PSMD13: variants seen among roughly 807,000 people sequenced by gnomAD.
The protein encoded by PSMD13 is proteasome 26S subunit, non-ATPase 13.
A neutral mutation model predicts 57.4 loss-of-function variants in PSMD13; 8 were observed. That is an observed-to-expected ratio of 0.14 (90% CI 0.08 to 0.25). The LOEUF (loss-of-function observed/expected upper bound fraction) is 0.25. Among genes scored for constraint, PSMD13 ranks in the 10% least tolerant of loss-of-function variants. PSMD13 has a pLI of 1.00. For missense variants in PSMD13, 400 were observed against 461.5 expected, an observed-to-expected ratio of 0.87 and a Z score of 1.22; for synonymous variants, 193 against 168.2, an observed-to-expected ratio of 1.15 and a Z score of -1.14.
chr11:249,191 T>TG (rs1859718486), intron 9 of PSMD13, 134 bp downstream of exon 9: 1 of 1,286,170 alleles, frequency 7.8e-7, no homozygotes, highest in Non-Finnish European at 1.1e-6. Context: ...GGCTAGTCCT[T>TG]GCTCTCATAG....
chr11:251,001 C>T lies in PSMD13; in HGVS notation c.837+136C>T, dbSNP rs1336104067. The T allele has an allele frequency of 9.1e-5, 70 of 766,324 alleles. No individual in the cohort carries two copies. Among genetic ancestry groups the T allele is most frequent in the Non-Finnish European group, 2.2e-6 (1 of 453,898 alleles). 47.5% of individuals were successfully genotyped at this position (766,324 alleles called of 1,614,324 possible). ...TTCTGCTGTGCGCCGCTCTCTTCAC[C>T]ACCTTCCTTTTCCTTTGCTACCACT... On this transcript the variant is annotated intron_variant, in intron 10 of 12. Transcript: ENST00000532097. This position sits in a 1 kb window ranked among gnomAD's most constrained non-coding sequence, Gnocchi z 4.6.
At chr11:248,512 AGTGGCACAG>A in intron 7 of PSMD13, 3 of 476,830 alleles carry the variant, frequency 6.3e-6, no homozygotes, top group African/African-American at 1.9e-5. Context: ...ACTTCCTGGA[AGTGGCACAG>A]CTGAAAATAT....
rs775996661 is a variant in PSMD13 at position 252,481 on chromosome 11, C to T, written c.1036-24C>T. The T allele has an allele frequency of 6.2e-6, 10 of 1,612,660 alleles. No homozygotes were observed. The highest frequency in any genetic ancestry group is 1.3e-5 in the African/African-American group (1 of 74,990). ...GTGTCTCCTGCGTGTCTTAACGTCC[C>T]TTGTGTCCGGATTTCCATTTCAGAT... On this transcript the variant is annotated intron_variant, in intron 12 of 12. Transcript: ENST00000532097. The surrounding 1 kb of genome is among the most constrained non-coding windows in gnomAD (Gnocchi z 4.1).
intron 2 of PSMD13, among the ~76,000 whole-genome samples, chr11:241,105 T>C (rs373678727): frequency 1.1e-3 from 157 of 143,180 alleles, no homozygotes; most frequent in African/African-American, 4.0e-3. Context: ...GTGCTGGGAT[T>C]ACAGGTGTGA....
rs753767560 is a variant in PSMD13 at position 237,281 on chromosome 11, GGCTGTGCC to G, written c.95+139_95+146del. On this transcript the variant is annotated intron_variant, in intron 1 of 12. Coordinates refer to ENST00000532097, the MANE Select transcript of PSMD13 (RefSeq NM_002817.4). Reference sequence around the variant, plus strand: ...GGGGAAACGGGGACGTGTAGCGACCGGCTGTGCCGGCAAGGTTTGCTGAGGAACCTTGA... The same window carrying G: ...GGGGAAACGGGGACGTGTAGCGACCGGGCAAGGTTTGCTGAGGAACCTTGA... 174 of 778,068 alleles carry G rather than the reference GGCTGTGCC, an allele frequency of 2.2e-4. 1 individual carries two copies. The highest frequency in any genetic ancestry group is 3.2e-4 in the Non-Finnish European group (159 of 500,512). The allele number at this position is 778,068 out of a possible 1,614,324, so 48.2% of individuals were successfully genotyped here.
In PSMD13 at chr11:244,741, G is replaced by A. The variant is rs372085323; in HGVS notation, c.376G>A (p.Gly126Arg). The A allele has an allele frequency of 2.0e-5, 32 of 1,612,886 alleles. No homozygotes were observed. Among genetic ancestry groups the A allele is most frequent in the Middle Eastern group, 1.6e-4 (1 of 6,082 alleles). The change falls in exon 6 of 13, where the codon GGG becomes AGG. Residue 126 changes from glycine (G) to arginine (R), a missense_variant. Gly to Arg is a moderately radical substitution (Grantham distance 125). Transcript: ENST00000532097. ...TAIGALKLNI[G>R]DLQVTKETIE... ...AATTGGAGCTCTAAAATTAAACATCGGGGACCTACAGGTTACAAAGGTGAG... is the reference window on the plus strand; with the variant it reads ...AATTGGAGCTCTAAAATTAAACATCAGGGACCTACAGGTTACAAAGGTGAG...
At chr11:237,955 C>G (rs897183545) in intron 1 of PSMD13, among the ~76,000 whole-genome samples, 1 of 152,214 alleles carries the variant, frequency 6.6e-6, no homozygotes, top group African/African-American at 2.4e-5. Context: ...ATGTTCCATA[C>G]ATGTTTTGAT....
At position 239,232 on chromosome 11, in the gene PSMD13, C is replaced by T. The variant is rs185987229; in HGVS notation, c.174+156C>T. Among the ~76,000 whole-genome samples the T allele has an allele frequency of 2.1e-3, 316 of 152,328 alleles. 2 individuals are homozygous for T. Among genetic ancestry groups the T allele is most frequent in the African/African-American group, 7.4e-3 (306 of 41,568 alleles). The stretch of plus-strand genomic sequence containing the variant: ...TGAGCGCTTCACATATCCTTCATGA[C>T]AACGCTGGTCAGTAGATACTACTAT... On this transcript the variant is annotated intron_variant, in intron 2 of 12. Coordinates refer to ENST00000532097, the MANE Select transcript of PSMD13 (RefSeq NM_002817.4).
rs1237226720 is a variant in PSMD13, at chr11:245,685, C to T, written c.396+924C>T. 2.4e-3 allele frequency among the ~76,000 whole-genome samples: 139 copies of T among 58,726 alleles called. 3 individuals are homozygous for T. The highest frequency in any genetic ancestry group is 0.014 in the Middle Eastern group (2 of 142). 38.5% of individuals were successfully genotyped at this position (58,726 alleles called of 152,430 possible). ...GTGTGTGTGTGTGTGTGTGTGTTTG[C>T]ATGTGTGTTCGTGTGTTTGTGTGTG... On this transcript the variant is annotated intron_variant, in intron 6 of 12. Transcript: ENST00000532097.
In PSMD13 at chr11:251,559, G is replaced by A. The variant is rs1295269344; in HGVS notation, c.851G>A (p.Arg284Gln). 1.9e-6 allele frequency: 3 copies of A among 1,613,292 alleles called. No individual in the cohort carries two copies. The highest frequency in any genetic ancestry group is 1.7e-6 in the Non-Finnish European group (2 of 1,179,624). Reference sequence around the variant, plus strand: ...AATTTTTTCCAGATGACTTTCACACGACCTGCCAATCACAGACAACTCACT... The same window carrying A: ...AATTTTTTCCAGATGACTTTCACACAACCTGCCAATCACAGACAACTCACT... ...LLCLMEMTFTRPANHRQLTFE... is the reference protein window; with the variant it reads ...LLCLMEMTFTQPANHRQLTFE... Residue 284 changes from arginine to glutamine, a missense_variant, in exon 11 of 13, where the codon CGA becomes CAA. By Grantham distance (43) the Arg-to-Gln change is conservative. Coordinates refer to ENST00000532097, the MANE Select transcript of PSMD13 (RefSeq NM_002817.4). The surrounding 1 kb of genome is among the most constrained non-coding windows in gnomAD (Gnocchi z 4.6).
intron 2 of PSMD13, among the ~76,000 whole-genome samples, chr11:239,463 C>T (rs569935916): frequency 3.5e-4 from 54 of 152,228 alleles, no homozygotes; most frequent in African/African-American, 1.3e-3. Flanking sequence ...AGTTCAAACC[C>T]AGTTAGAGGG....
At chr11:238,936 A>G in intron 1 of PSMD13, 62 bp from the exon 2 acceptor site, 4 of 1,426,798 alleles carry the variant, frequency 2.8e-6, no homozygotes, top group Non-Finnish European at 3.0e-6. Flanking sequence ...AGAATCATCA[A>G]GGCTGGAGGT....
chr11:241,020 C>G (rs1273673833), intron 2 of PSMD13, among the ~76,000 whole-genome samples: 1 of 151,802 alleles, frequency 6.6e-6, no homozygotes, highest in Non-Finnish European at 1.5e-5. Flanking sequence ...TTAGTAGAGA[C>G]AGGGTTTCAT....
At chr11:237,363 G>C (rs1332069645) in intron 1 of PSMD13, among the ~76,000 whole-genome samples, 8 of 152,244 alleles carry the variant, frequency 5.3e-5, no homozygotes, top group Non-Finnish European at 1.2e-4. Context: ...AGGGCCAAGA[G>C]CTGTAGCCAG....
chr11:240,541 A>T (rs1174961533), intron 2 of PSMD13, among the ~76,000 whole-genome samples: 1 of 152,192 alleles, frequency 6.6e-6, no homozygotes, highest in Non-Finnish European at 1.5e-5. Context: ...ATATTTCCTC[A>T]ACCTCATGGT....
chr11:242,548 A>G (rs1464730205), intron 2 of PSMD13, among the ~76,000 whole-genome samples: 1 of 137,382 alleles, frequency 7.3e-6, no homozygotes, highest in Non-Finnish European at 1.5e-5. Flanking sequence ...TCTTTCTTCC[A>G]AAAAAACTGC....
At chr11:240,989 G>A (rs1195583511) in intron 2 of PSMD13, among the ~76,000 whole-genome samples, 3 of 151,374 alleles carry the variant, frequency 2.0e-5, no homozygotes, top group Non-Finnish European at 4.4e-5. Flanking sequence ...CCGCCACCAC[G>A]CCTGGATAAT....
intron 2 of PSMD13, among the ~76,000 whole-genome samples, chr11:241,774 A>G (rs1405065896): frequency 6.6e-6 from 1 of 152,056 alleles, no homozygotes. Flanking sequence ...GGCCAGTACT[A>G]GCCTCTGACT....
chr11:242,786 GTCTTTT>G (rs1859543946), intron 2 of PSMD13, among the ~76,000 whole-genome samples: 1 of 151,758 alleles, frequency 6.6e-6, no homozygotes, highest in African/African-American at 2.4e-5. Flanking sequence ...ACTACATTAT[GTCTTTT>G]TCTTTTTCTC....
Sources: allele counts gnomAD v4.1 joint callset (sites outside exome capture counted in the v4.1 genomes callset), GRCh38; gene constraint gnomAD v4.1.1; non-coding constraint Gnocchi (gnomAD v3.1); transcripts MANE v1.5; gene names NCBI Gene and HGNC (gene_info 2026-07-23, HGNC 2026-07-21).